HAL: variants seen among roughly 807,000 people sequenced by gnomAD.
The protein encoded by HAL is histidase.
A neutral mutation model predicts 81.1 loss-of-function variants in HAL; 85 were observed. That is an observed-to-expected ratio of 1.05 (90% confidence interval 0.88 to 1.25). The LOEUF (loss-of-function observed/expected upper bound fraction) is 1.25. HAL is among the 50% of genes most tolerant of loss of function. The pLI is 0.00. For missense variants in HAL, 798 were observed against 836.6 expected (o/e 0.95, Z 0.57); for synonymous variants, 301 against 309.2 (o/e 0.97, Z 0.28).
chr12:95,994,649 C>A, intron 4 of HAL, 149 bp downstream of exon 4: 2 of 839,176 alleles, frequency 2.4e-6, no homozygotes, highest in South Asian at 1.4e-5. Flanking sequence ...CTCGGCCACC[C>A]AAAGTGCTGG....
In HAL at chr12:95,993,437, A is replaced by G. The variant is rs1949995827; in HGVS notation, c.589+14T>C. 1 of 1,565,082 alleles carries G rather than the reference A, an allele frequency of 6.4e-7. No homozygotes were observed. The highest frequency in any genetic ancestry group is 1.7e-5 in the Admixed American group (1 of 59,972). ...TCACACAAGATCCAGGAGGCACCCAACGTTTTGACTTACCTGAAGAATGTG... is the reference window on the plus strand; with the variant it reads ...TCACACAAGATCCAGGAGGCACCCAGCGTTTTGACTTACCTGAAGAATGTG... On this transcript the variant is annotated intron_variant, in intron 8 of 20. Coordinates refer to ENST00000261208, the MANE Select transcript of HAL (RefSeq NM_002108.4).
intron 11 of HAL, 146 bp downstream of exon 11, chr12:95,988,047 T>C: frequency 1.5e-6 from 1 of 666,276 alleles, no homozygotes; most frequent in Non-Finnish European, 2.7e-6. Flanking sequence ...TTTAAATTCT[T>C]ACGGAGTTGC....
Position 95,994,043 on chromosome 12 carries a change from G to A in HAL, c.412-45C>T, listed in dbSNP as rs774664856. Reference sequence around the variant, plus strand: ...AACTGAGCACGTTAAAGACTTCCACGGGCAACAAAAATGGCCAGAGGACAT... The same window carrying A: ...AACTGAGCACGTTAAAGACTTCCACAGGCAACAAAAATGGCCAGAGGACAT... On this transcript the variant is annotated intron_variant, in intron 5 of 20. Transcript: ENST00000261208. 2.3e-5 allele frequency: 36 copies of A among 1,591,738 alleles called. 1 individual carries two copies. Among genetic ancestry groups the A allele is most frequent in the South Asian group, 2.1e-4 (19 of 90,626 alleles).
At chr12:95,974,563 T>TTGCATA (rs1202519133) in intron 20 of HAL, among the ~76,000 whole-genome samples, 191 bp from the exon 21 acceptor site, 1 of 152,194 alleles carries the variant, frequency 6.6e-6, no homozygotes, top group Non-Finnish European at 1.5e-5. Flanking sequence ...TTAAAGACTG[T>TTGCATA]AAATATACAA....
intron 10 of HAL, among the ~76,000 whole-genome samples, chr12:95,988,793 C>T (rs1165859171): frequency 1.3e-5 from 2 of 151,976 alleles, no homozygotes; most frequent in South Asian, 2.1e-4. Context: ...GACAGAATCC[C>T]GAGGGGGCGA....
intron 8 of HAL, 63 bp from the exon 9 acceptor site, chr12:95,992,868 G>GCCCCCCCT (rs1555240415): frequency 7.6e-7 from 1 of 1,318,272 alleles, no homozygotes; most frequent in South Asian, 1.2e-5. Flanking sequence ...CCTGACAATT[G>GCCCCCCCT]CCCTCCCTCC....
chr12:95,974,352 T>C lies in HAL; in HGVS notation c.1854A>G (p.Pro618=). 1 of 1,613,780 alleles carries C rather than the reference T, an allele frequency of 6.2e-7. No individual in the cohort carries two copies. Among genetic ancestry groups the C allele is most frequent in the South Asian group, 1.1e-5 (1 of 91,078 alleles). Residue 618 remains proline, a synonymous_variant, in exon 21 of 21, where the codon CCA becomes CCG. Transcript: ENST00000261208. ...GCTCCATTCTGTATTTTTCAATGTA[T>C]GGAGCAGCTACTTCCCAAACCTGAA... ...LEQKVWEVAA[P]YIEKYRMEHI... is the part of the protein sequence containing the mutation.
intron 9 of HAL, among the ~76,000 whole-genome samples, chr12:95,991,383 A>C (rs1462165333): frequency 1.3e-5 from 2 of 152,222 alleles, no homozygotes; most frequent in Non-Finnish European, 2.9e-5. Flanking sequence ...AAATGTTTGG[A>C]AACATTGGAA....
chr12:95,983,332 G>C (rs1047956783), intron 15 of HAL, among the ~76,000 whole-genome samples: 5 of 152,074 alleles, frequency 3.3e-5, no homozygotes, highest in Non-Finnish European at 5.9e-5. Context: ...AGGTTGCAGA[G>C]AGCCGAGATG....
Position 95,980,613 on chromosome 12 carries a change from C to A in HAL, c.1462G>T (p.Ala488Ser). The A allele has an allele frequency of 6.2e-7, 1 of 1,614,092 alleles. No individual in the cohort carries two copies. Among genetic ancestry groups the A allele is most frequent in the South Asian group, 1.1e-5 (1 of 91,076 alleles). Residue 488 changes from alanine (A) to serine (S), a missense_variant, in exon 17 of 21, where the codon GCT becomes TCT. Physicochemically the swap from Ala to Ser is moderately conservative, Grantham distance 99. Coordinates refer to ENST00000261208, the MANE Select transcript of HAL (RefSeq NM_002108.4). ...AACCCAGAGTTCAGACCACCTTCAG[C>A]CACCAGGAAGGCAGGCAGCTCACTG... Reference protein sequence around the residue: ...SLSELPAFLVAEGGLNSGFMI... With the variant: ...SLSELPAFLVSEGGLNSGFMI...
chr12:95,978,513 GA>G (rs1268965230), intron 17 of HAL, among the ~76,000 whole-genome samples: 1 of 152,170 alleles, frequency 6.6e-6, no homozygotes, highest in Non-Finnish European at 1.5e-5. Context: ...TAACACTTCA[GA>G]GTGTTCAAGG....
Position 95,977,963 on chromosome 12 carries a change from G to A in HAL, c.1635C>T (p.Val545=). 6.2e-7 allele frequency: 1 copy of A among 1,614,164 alleles called. No individual in the cohort carries two copies. Among genetic ancestry groups the A allele is most frequent in the Non-Finnish European group, 8.5e-7 (1 of 1,180,030 alleles). ...CATTACCTTGCTCCACATGCTCGAT[G>A]ACCCTGAGGGCTTTCCTTGCTGCCC... ...GGWAARKALR[V]IEHVEQVLAI... Residue 545 remains valine (V), a synonymous_variant, in exon 18 of 21, where the codon GTC becomes GTT. Transcript: ENST00000261208.
In HAL at chr12:95,983,926, G is replaced by T; in HGVS notation, c.1272C>A (p.Ser424Arg). Residue 424 changes from serine to arginine, a missense_variant, in exon 15 of 21, where the codon AGC becomes AGA. Transcript: ENST00000261208. ...VKNIITTELN[S>R]ATDNPMVFAN... is the part of the protein sequence containing the mutation. ...CAAAAGATACAGGATTATCTGTTGC[G>T]CTGTTCAGTTCTGTGGTAATGATGT... 1 of 1,543,632 alleles carries T rather than the reference G, an allele frequency of 6.5e-7. No homozygotes were observed. The highest frequency in any genetic ancestry group is 9.0e-7 in the Non-Finnish European group (1 of 1,116,776).
chr12:95,982,062 T>C (rs770618103), intron 15 of HAL, among the ~76,000 whole-genome samples: 9 of 152,356 alleles, frequency 5.9e-5, no homozygotes, highest in South Asian at 4.1e-4. Context: ...TGAATCCCTA[T>C]AGCAATGGAA....
intron 14 of HAL, among the ~76,000 whole-genome samples, chr12:95,984,523 C>T (rs578065073): frequency 2.6e-4 from 40 of 152,344 alleles, no homozygotes; most frequent in African/African-American, 8.9e-4. Context: ...AAGGCAGCTA[C>T]GCTGTACAAA....
At chr12:95,988,584 CA>C (rs1372707016) in intron 10 of HAL, among the ~76,000 whole-genome samples, 1 of 152,192 alleles carries the variant, frequency 6.6e-6, no homozygotes, top group Non-Finnish European at 1.5e-5. Flanking sequence ...GCATCTGACA[CA>C]CATACATGCA....
Position 95,992,766 on chromosome 12 carries a change from A to G in HAL, c.629T>C (p.Leu210Pro). The change falls in exon 9 of 21, where the codon CTC (leucine) becomes CCC (proline). Residue 210 changes from leucine (L) to proline (P), a missense_variant. Coordinates refer to ENST00000261208, the MANE Select transcript of HAL (RefSeq NM_002108.4). ...TAAGACATTGATCCTTAAAGCCAAG[A>G]GCATCCGACACCTCTCAGGACTTAG... The part of the protein sequence containing the change: ...KPLSPERCRM[L>P]LALRINVLAK... 1 of 1,612,500 alleles carries G rather than the reference A, an allele frequency of 6.2e-7. No homozygotes were observed. The highest frequency in any genetic ancestry group is 1.1e-5 in the South Asian group (1 of 91,062).
chr12:95,987,895 G>A (rs1390503928), intron 11 of HAL, among the ~76,000 whole-genome samples: 1 of 148,496 alleles, frequency 6.7e-6, no homozygotes, highest in Non-Finnish European at 1.5e-5. Flanking sequence ...TTTTTGGCGG[G>A]GCGGGGGGGG....
At position 95,990,340 on chromosome 12, in the gene HAL, T is replaced by C. The variant is rs1565992720; in HGVS notation, c.855+53A>G. On this transcript the variant is annotated intron_variant, in intron 10 of 20. Coordinates refer to ENST00000261208, the MANE Select transcript of HAL (RefSeq NM_002108.4). Reference sequence around the variant, plus strand: ...GGTGATACGAAGCATGCAAGCACAGTTGGTGTCCAACCTGGGGCAATTGCT... The same window carrying C: ...GGTGATACGAAGCATGCAAGCACAGCTGGTGTCCAACCTGGGGCAATTGCT... 3.4e-6 allele frequency: 5 copies of C among 1,470,726 alleles called. No individual in the cohort carries two copies. The South Asian group carries it at 3.4e-5, about 10-fold the overall frequency. The allele number at this position is 1,470,726 out of a possible 1,614,324, so 91.1% of individuals were successfully genotyped here.
Sources: allele counts gnomAD v4.1 joint callset (sites outside exome capture counted in the v4.1 genomes callset), GRCh38; gene constraint gnomAD v4.1.1; transcripts MANE v1.5; gene names NCBI Gene and HGNC (gene_info 2026-07-23, HGNC 2026-07-21).